The following LRRC2 variants were observed in gnomAD, a reference collection of about 807,000 sequenced individuals.
LRRC2 encodes leucine-rich repeat-containing protein 2.
A neutral mutation model predicts 40.2 loss-of-function variants in LRRC2; 27 were observed. The observed-to-expected ratio is 0.67, with a 90% CI of 0.49 to 0.93. The LOEUF is 0.93. Among genes scored for constraint, LRRC2 ranks in the 40% least tolerant of loss-of-function variants. LRRC2 has a pLI of 0.00. For synonymous variants in LRRC2, 147 were observed against 158.9 expected, an observed-to-expected ratio of 0.92 and a Z score of 0.56; for missense variants, 402 against 439.6, an observed-to-expected ratio of 0.91 and a Z score of 0.76.
chr3:46,557,100 C>G (rs536846244), intron 1 of LRRC2, among the ~76,000 whole-genome samples: 3 of 152,172 alleles, frequency 2.0e-5, no homozygotes, highest in Non-Finnish European at 2.9e-5. Flanking sequence ...GTGACTTGCA[C>G]GTATATGCCA....
In LRRC2 at chr3:46,539,333, T is replaced by C. The variant is rs367648036; in HGVS notation, c.334-132A>G. ...GAGCATAAAACTTAACCACCAGCAC[T>C]CCAGCCATTTCAAAAAGAAACCAAA... is the stretch of plus-strand genomic sequence containing the variant. On this transcript the variant is annotated intron_variant, in intron 3 of 8. Transcript: ENST00000395905. 2.4e-4 allele frequency: 187 copies of C among 790,304 alleles called. No homozygotes were observed. In the East Asian group the frequency reaches 4.3e-3, roughly 18 times the overall value. 49.0% of individuals were successfully genotyped at this position (790,304 alleles called of 1,614,324 possible).
chr3:46,560,590 C>T (rs1704914992), intron 1 of LRRC2, among the ~76,000 whole-genome samples: 1 of 152,196 alleles, frequency 6.6e-6, no homozygotes, highest in South Asian at 2.1e-4. Context: ...GTAGATTCTA[C>T]AAAGCAGCCT....
chr3:46,545,133 G>C lies in LRRC2; in HGVS notation c.246C>G (p.Asn82Lys). 6.2e-7 allele frequency: 1 copy of C among 1,614,192 alleles called. No individual in the cohort carries two copies. Among genetic ancestry groups the C allele is most frequent in the Non-Finnish European group, 8.5e-7 (1 of 1,180,026 alleles). ...SVRLLDKIER[N>K]TLTRQSSLPK... ...GAAGTGAACTCTGCCTTGTGAGAGT[G>C]TTCCTTTCAATCTTGTCCAGAAGCC... The change falls in exon 3 of 9, where the codon AAC (asparagine) becomes AAG (lysine). Residue 82 changes from asparagine (N) to lysine (K), a missense_variant. Physicochemically the swap from Asn to Lys is moderately conservative, Grantham distance 94. Coordinates refer to ENST00000395905, the MANE Select transcript of LRRC2 (RefSeq NM_024512.5).
intron 1 of LRRC2, among the ~76,000 whole-genome samples, chr3:46,560,811 A>T (rs933911680): frequency 6.6e-6 from 1 of 152,188 alleles, no homozygotes; most frequent in Non-Finnish European, 1.5e-5. Flanking sequence ...ATGAGACAGA[A>T]GGAGAACGGT....
At chr3:46,533,078 C>T (rs1464260058) in intron 4 of LRRC2, among the ~76,000 whole-genome samples, 169 bp from the exon 5 acceptor site, 3 of 152,190 alleles carry the variant, frequency 2.0e-5, no homozygotes, top group Non-Finnish European at 4.4e-5. Flanking sequence ...TATCTTGTAG[C>T]ATCATGACCC....
chr3:46,534,468 C>CTTTG (rs879428727), intron 4 of LRRC2, among the ~76,000 whole-genome samples: 2 of 133,854 alleles, frequency 1.5e-5, no homozygotes, highest in Non-Finnish European at 3.3e-5. Context: ...TTCTTTCTTT[C>CTTTG]TTTGTTTCTT....
chr3:46,562,367 A>C (rs2107064118), intron 1 of LRRC2, among the ~76,000 whole-genome samples: 1 of 152,296 alleles, frequency 6.6e-6, no homozygotes, highest in South Asian at 2.1e-4. Flanking sequence ...CCACAACTTC[A>C]TGAGACCCTA....
intron 5 of LRRC2, among the ~76,000 whole-genome samples, chr3:46,530,680 G>A (rs1704143969): frequency 1.3e-5 from 2 of 152,180 alleles, no homozygotes; most frequent in Admixed American, 6.5e-5. Flanking sequence ...CGTCTTACAT[G>A]GCAGCAGGCA....
intron 4 of LRRC2, among the ~76,000 whole-genome samples, chr3:46,534,375 T>C (rs1178769634): frequency 6.6e-6 from 1 of 152,160 alleles, no homozygotes; most frequent in East Asian, 1.9e-4. Flanking sequence ...TAAATAGTGC[T>C]GCTCTTTTCT....
Position 46,527,734 on chromosome 3 carries a change from G to GT in LRRC2, c.774-154dup, listed in dbSNP as rs374973483. On this transcript the variant is annotated intron_variant, in intron 6 of 8. Transcript: ENST00000395905. ...CAACTTATTCTAAGTTTTGTTCTTCGTTTTTTTTTTTGAGACAAGGTGTTA... is the reference window on the plus strand; with the variant it reads ...CAACTTATTCTAAGTTTTGTTCTTCGTTTTTTTTTTTTGAGACAAGGTGTTA... Among the ~76,000 whole-genome samples, 883 of 145,938 alleles carry GT rather than the reference G, an allele frequency of 6.1e-3. 2 individuals carry two copies. Among genetic ancestry groups the GT allele is most frequent in the Middle Eastern group, 0.014 (4 of 286 alleles).
intron 1 of LRRC2, among the ~76,000 whole-genome samples, chr3:46,554,066 C>G (rs922379700): frequency 6.6e-6 from 1 of 151,980 alleles, no homozygotes; most frequent in African/African-American, 2.4e-5. Context: ...GTTGCCCAGG[C>G]TAGAATGCAG....
chr3:46,549,037 C>T (rs182014592), intron 2 of LRRC2, among the ~76,000 whole-genome samples: 74 of 152,304 alleles, frequency 4.9e-4, no homozygotes, highest in Middle Eastern at 3.4e-3. Flanking sequence ...TGGGAACCTC[C>T]GCTCCAAATG....
chr3:46,523,942 A>G (rs530902439), intron 7 of LRRC2, among the ~76,000 whole-genome samples: 1 of 152,312 alleles, frequency 6.6e-6, no homozygotes, highest in African/African-American at 2.4e-5. Context: ...TTACTTTGTT[A>G]AGGTTAATAC....
At chr3:46,550,416 CT>C (rs1256686889) in intron 2 of LRRC2, among the ~76,000 whole-genome samples, 1 of 134,074 alleles carries the variant, frequency 7.5e-6, no homozygotes, top group East Asian at 2.1e-4. Context: ...CAGAGTCTCG[CT>C]CTGTCGCCCA....
chr3:46,527,491 T>A lies in LRRC2; in HGVS notation c.864A>T (p.Leu288Phe). The change falls in exon 7 of 9, where the codon TTA becomes TTT. Residue 288 changes from leucine to phenylalanine, a missense_variant. Leu to Phe is a conservative substitution (Grantham distance 22, BLOSUM62 0). Coordinates refer to ENST00000395905, the MANE Select transcript of LRRC2 (RefSeq NM_024512.5). ...SMLNLKKLTLLVVSGDHLVEL... is the reference protein window; with the variant it reads ...SMLNLKKLTLFVVSGDHLVEL... The stretch of plus-strand genomic sequence containing the variant: ...CCACCAAATGGTCCCCACTGACGAC[T>A]AACAGAGTGAGCTTCTTCAGGTTCA... The A allele has an allele frequency of 6.2e-7, 1 of 1,613,992 alleles. No homozygotes were observed. Among genetic ancestry groups the A allele is most frequent in the South Asian group, 1.1e-5 (1 of 91,078 alleles).
intron 2 of LRRC2, among the ~76,000 whole-genome samples, chr3:46,549,392 A>T (rs1357588794): frequency 6.6e-6 from 1 of 152,072 alleles, no homozygotes; most frequent in African/African-American, 2.4e-5. Context: ...CAAATTTACT[A>T]CCCCCATTTC....
intron 1 of LRRC2, among the ~76,000 whole-genome samples, chr3:46,556,834 C>A (rs960823275): frequency 6.6e-6 from 1 of 152,154 alleles, no homozygotes; most frequent in African/African-American, 2.4e-5. Flanking sequence ...GCCTCAGCCT[C>A]CCAAAGTGCT....
chr3:46,559,497 G>A (rs574440731), intron 1 of LRRC2: 2 of 152,350 alleles, frequency 1.3e-5, no homozygotes, highest in East Asian at 3.9e-4. Context: ...TGTTGTTGAG[G>A]TTCTTTCATT....
At chr3:46,536,909 CT>C (rs1272173895) in intron 4 of LRRC2, among the ~76,000 whole-genome samples, 1 of 152,206 alleles carries the variant, frequency 6.6e-6, no homozygotes, top group Non-Finnish European at 1.5e-5. Context: ...TGGAGCACCT[CT>C]GATGACATTT....
Sources: gnomAD v4.1 joint callset for allele counts (sites outside exome capture counted in the v4.1 genomes callset) on GRCh38, gnomAD v4.1.1 for gene constraint, MANE v1.5 for transcripts, NCBI Gene and HGNC (gene_info 2026-07-23, HGNC 2026-07-21) for gene names.